Variants in TLL1 observed in about 807,000 individuals in gnomAD.
The protein encoded by TLL1 is tolloid like 1.
TLL1 carries 49 observed loss-of-function variants against 128.2 expected under a neutral mutation model. The observed-to-expected ratio is 0.38, with a 90% confidence interval of 0.30 to 0.48. The LOEUF (loss-of-function observed/expected upper bound fraction) is 0.48, where lower values mean the gene tolerates loss of function less well. Among genes scored for constraint, TLL1 ranks in the 20% least tolerant of loss-of-function variants. The pLI is 0.96. For synonymous variants in TLL1, 454 were observed against 418.8 expected (o/e 1.08, Z -1.03); for missense variants, 1,123 against 1,242.0 (o/e 0.90, Z 1.44).
chr4:165,927,487 A>T (rs950267262), intron 1 of TLL1, among the ~76,000 whole-genome samples: 6 of 152,200 alleles, frequency 3.9e-5, no homozygotes, highest in African/African-American at 1.4e-4. Flanking sequence ...AATAAAACGG[A>T]TTAATAAAAA....
At chr4:165,941,746 C>G (rs576036118) in intron 1 of TLL1, among the ~76,000 whole-genome samples, 2 of 152,102 alleles carry the variant, frequency 1.3e-5, no homozygotes, top group South Asian at 4.1e-4. Flanking sequence ...ATCCTATAAC[C>G]AATAGCTGTT....
chr4:166,061,992 T>C (rs1246338370), intron 15 of TLL1, among the ~76,000 whole-genome samples: 2 of 152,158 alleles, frequency 1.3e-5, no homozygotes, highest in South Asian at 2.1e-4. Flanking sequence ...CCCCATTTCT[T>C]GTTTTTGTCA....
At chr4:165,991,481 C>A (rs1224189702) in intron 2 of TLL1, among the ~76,000 whole-genome samples, 3 of 151,914 alleles carry the variant, frequency 2.0e-5, no homozygotes, top group Admixed American at 6.6e-5. Context: ...ATTACCTCAT[C>A]TTTCTAAAAT....
At chr4:166,041,285 ATTCT>A (rs113498318) in intron 10 of TLL1, among the ~76,000 whole-genome samples, 22,265 of 143,374 alleles carry the variant, frequency 0.16, 2,185 homozygotes, top group African/African-American at 0.29. Context: ...CTGAGAGCAC[ATTCT>A]TTCTTTCTTT....
intron 14 of TLL1, 58 bp from the exon 15 acceptor site, chr4:166,059,970 G>A: frequency 1.3e-6 from 2 of 1,598,058 alleles, no homozygotes; most frequent in Non-Finnish European, 1.7e-6. Context: ...ATGGACAGGT[G>A]CTAAGAAGTG....
intron 16 of TLL1, among the ~76,000 whole-genome samples, chr4:166,068,596 G>T (rs1004789775): frequency 1.3e-5 from 2 of 151,770 alleles, no homozygotes; most frequent in Admixed American, 6.6e-5. Flanking sequence ...TCTATAGAAA[G>T]AAATTTGGCA....
At chr4:166,069,846 A>C (rs146672828) in intron 16 of TLL1, among the ~76,000 whole-genome samples, 1 of 151,760 alleles carries the variant, frequency 6.6e-6, no homozygotes. Flanking sequence ...ATTGGATTTT[A>C]TAACAAAATA....
rs750653722 is a variant in TLL1 at position 166,055,069 on chromosome 4, G to T, written c.1525-7G>T. 1.9e-6 allele frequency: 3 copies of T among 1,605,908 alleles called. No homozygotes were observed. Among genetic ancestry groups the T allele is most frequent in the Non-Finnish European group, 1.7e-6 (2 of 1,177,144 alleles). ...CATATATTTTCACATATTTTTTTCT[G>T]TTGCAGATTGAAAGACATGACAATT... On this transcript the variant is annotated splice_polypyrimidine_tract_variant and splice_region_variant and intron_variant, in intron 12 of 20. Coordinates refer to ENST00000061240, the MANE Select transcript of TLL1 (RefSeq NM_012464.5).
At chr4:165,948,217 C>A (rs1476628820) in intron 1 of TLL1, among the ~76,000 whole-genome samples, 1 of 152,114 alleles carries the variant, frequency 6.6e-6, no homozygotes, top group Non-Finnish European at 1.5e-5. Flanking sequence ...AACTGACATC[C>A]AATGCCTGTC....
chr4:165,902,671 G>T (rs1214782608), intron 1 of TLL1, among the ~76,000 whole-genome samples: 1 of 152,160 alleles, frequency 6.6e-6, no homozygotes, highest in Non-Finnish European at 1.5e-5. Flanking sequence ...CCCACCATCT[G>T]CATTGATCTT....
At chr4:165,901,079 A>G (rs1259663635) in intron 1 of TLL1, among the ~76,000 whole-genome samples, 1 of 151,842 alleles carries the variant, frequency 6.6e-6, no homozygotes, top group African/African-American at 2.4e-5. Flanking sequence ...TGTGTTTTTT[A>G]GCTCCATCAG....
chr4:165,931,643 A>C (rs1053920540), intron 1 of TLL1, among the ~76,000 whole-genome samples: 5 of 150,406 alleles, frequency 3.3e-5, no homozygotes, highest in Non-Finnish European at 7.4e-5. Flanking sequence ...GGCGTGAACC[A>C]GGGAGGTGGA....
intron 1 of TLL1, among the ~76,000 whole-genome samples, chr4:165,891,906 A>T (rs926650977): frequency 1.3e-5 from 2 of 152,232 alleles, no homozygotes; most frequent in Non-Finnish European, 2.9e-5. Context: ...CTCTACAAGT[A>T]CCAATTTACT....
chr4:165,970,354 GGA>G (rs1412733600), intron 1 of TLL1, among the ~76,000 whole-genome samples: 2 of 151,974 alleles, frequency 1.3e-5, no homozygotes, highest in African/African-American at 2.4e-5. Flanking sequence ...CAGTGGTTTT[GGA>G]AATGAAACAG....
Position 165,956,487 on chromosome 4 carries a change from C to G in TLL1, c.170-32894C>G, listed in dbSNP as rs1414793389. Among the ~76,000 whole-genome samples the G allele has an allele frequency of 2.6e-5, 4 of 151,912 alleles. No homozygotes were observed. The South Asian group carries it at 8.3e-4, about 32-fold the overall frequency. On this transcript the variant is annotated intron_variant, in intron 1 of 20. Transcript: ENST00000061240. ...TGCTAGGAAAAGAATTTAGCAATATCTCTCCTACTTGCACGTCCATTTATA... is the reference window on the plus strand; with the variant it reads ...TGCTAGGAAAAGAATTTAGCAATATGTCTCCTACTTGCACGTCCATTTATA...
chr4:166,071,766 G>A (rs1405045828), intron 16 of TLL1, among the ~76,000 whole-genome samples: 1 of 151,822 alleles, frequency 6.6e-6, no homozygotes, highest in African/African-American at 2.4e-5. Flanking sequence ...TTGTAAATAG[G>A]AAATCTATAA....
At chr4:165,956,141 G>GCT in intron 1 of TLL1, among the ~76,000 whole-genome samples, 16 of 151,746 alleles carry the variant, frequency 1.1e-4, no homozygotes, top group Admixed American at 5.2e-4. Flanking sequence ...CAGAACTACT[G>GCT]ACAAGGATCC....
At chr4:165,886,461 A>G (rs922405114) in intron 1 of TLL1, among the ~76,000 whole-genome samples, 3 of 152,226 alleles carry the variant, frequency 2.0e-5, no homozygotes, top group Non-Finnish European at 2.9e-5. Flanking sequence ...TCTTCCTAAA[A>G]GGATTTCAAA....
intron 8 of TLL1, among the ~76,000 whole-genome samples, chr4:166,015,361 C>A (rs2111052540): frequency 6.6e-6 from 1 of 152,028 alleles, no homozygotes; most frequent in South Asian, 2.1e-4. Context: ...CTTAAGGTTG[C>A]AGATACAATA....
Sources: allele counts gnomAD v4.1 joint callset (sites outside exome capture counted in the v4.1 genomes callset), GRCh38; gene constraint gnomAD v4.1.1; transcripts MANE v1.5; gene names NCBI Gene and HGNC (gene_info 2026-07-23, HGNC 2026-07-21).